Variants in RASGEF1C observed in about 807,000 individuals in gnomAD.
The protein encoded by RASGEF1C is RasGEF domain family member 1C, also known as ras-GEF domain-containing family member 1C.
In RASGEF1C, 27 loss-of-function variants were observed where a neutral mutation model predicts 58.1. The observed-to-expected ratio is 0.46, with a 90% CI of 0.34 to 0.64. The LOEUF (loss-of-function observed/expected upper bound fraction) is 0.64, where lower values mean the gene tolerates loss of function less well. Among genes scored for constraint, RASGEF1C ranks in the 30% least tolerant of loss-of-function variants. RASGEF1C has a pLI of 0.01. For missense variants in RASGEF1C, 502 were observed against 605.1 expected, an observed-to-expected ratio of 0.83 and a Z score of 1.79; for synonymous variants, 243 against 246.3, an observed-to-expected ratio of 0.99 and a Z score of 0.13.
chr5:180,128,969 G>A (rs1036494660), intron 4 of RASGEF1C, among the ~76,000 whole-genome samples: 1 of 152,248 alleles, frequency 6.6e-6, no homozygotes, highest in African/African-American at 2.4e-5. Context: ...AGGGAGAGAG[G>A]CGGGAGACAT....
Position 180,119,388 on chromosome 5 carries a change from A to C in RASGEF1C, c.865T>G (p.Cys289Gly). Residue 289 changes from cysteine to glycine, a missense_variant, in exon 8 of 14, where the codon TGC becomes GGC. By Grantham distance (159) the Cys-to-Gly change is radical. Transcript: ENST00000361132. ...GAGTTGAAGTTGCCGATGTTGAAGC[A>C]CTCGCGGGCCACGTCGATGAAGAAC... ...IEFFIDVARE[C>G]FNIGNFNSLM... 6.2e-7 allele frequency: 1 copy of C among 1,613,736 alleles called. No homozygotes were observed. Among genetic ancestry groups the C allele is most frequent in the Non-Finnish European group, 8.5e-7 (1 of 1,179,900 alleles).
chr5:180,208,669 G>C (rs1286455791), intron 1 of RASGEF1C, among the ~76,000 whole-genome samples: 1 of 152,142 alleles, frequency 6.6e-6, no homozygotes, highest in African/African-American at 2.4e-5. Flanking sequence ...TCATAGACGG[G>C]GAAACTGAGG....
At chr5:180,207,011 C>G (rs1032439156) in intron 1 of RASGEF1C, among the ~76,000 whole-genome samples, 1 of 152,122 alleles carries the variant, frequency 6.6e-6, no homozygotes, top group African/African-American at 2.4e-5. Context: ...ACCTTTAAAC[C>G]ATGTGTTTTA....
intron 10 of RASGEF1C, chr5:180,115,404 A>C (rs542819110): frequency 2.3e-4 from 83 of 354,276 alleles, no homozygotes; most frequent in African/African-American, 1.7e-3. Context: ...CACTGCCTGA[A>C]GGAAAAGAAA....
intron 1 of RASGEF1C, among the ~76,000 whole-genome samples, 183 bp downstream of exon 1, chr5:180,208,845 C>T (rs1488337771): frequency 6.6e-6 from 1 of 151,240 alleles, no homozygotes; most frequent in Non-Finnish European, 1.5e-5. Context: ...CCGCTACCCC[C>T]GCGCCTCCAG....
At chr5:180,190,358 C>CAT (rs1561756591) in intron 1 of RASGEF1C, among the ~76,000 whole-genome samples, 3 of 151,308 alleles carry the variant, frequency 2.0e-5, no homozygotes, top group Non-Finnish European at 2.9e-5. Flanking sequence ...GGCGTGGTGG[C>CAT]GGGCGCCTGT....
Position 180,208,079 on chromosome 5 carries a change from C to T in RASGEF1C, c.-7+949G>A, listed in dbSNP as rs550398197. 1.3e-4 allele frequency among the ~76,000 whole-genome samples: 20 copies of T among 152,288 alleles called. No individual in the cohort carries two copies. In the South Asian group the frequency reaches 3.3e-3, roughly 25 times the overall value. ...GCCAGTGAGTGGACAACCCTAGCCC[C>T]CCTCCACCGGTCGCCTGCACAGTGG... On this transcript the variant is annotated intron_variant, in intron 1 of 13. Coordinates refer to ENST00000361132, the MANE Select transcript of RASGEF1C (RefSeq NM_175062.4).
At chr5:180,133,133 C>T (rs1766398605) in intron 4 of RASGEF1C, among the ~76,000 whole-genome samples, 1 of 152,148 alleles carries the variant, frequency 6.6e-6, no homozygotes, top group Non-Finnish European at 1.5e-5. Flanking sequence ...GCTCTAACTA[C>T]TGCGTCCAAC....
At chr5:180,161,356 G>A (rs1766940647) in intron 1 of RASGEF1C, among the ~76,000 whole-genome samples, 1 of 152,270 alleles carries the variant, frequency 6.6e-6, no homozygotes, top group South Asian at 2.1e-4. Context: ...GACTGAGGTG[G>A]TTTCCTCCCT....
Position 180,173,873 on chromosome 5 carries a change from A to C in RASGEF1C, c.-7+35155T>G, listed in dbSNP as rs180720247. On this transcript the variant is annotated intron_variant, in intron 1 of 13. Coordinates refer to ENST00000361132, the MANE Select transcript of RASGEF1C (RefSeq NM_175062.4). ...GTTTGCAGTGAGCTGAGATTGTGCC[A>C]CTGCACTCCAGCCTGGGCAACAGAG... Among the ~76,000 whole-genome samples the C allele has an allele frequency of 3.1e-3, 470 of 150,390 alleles. 4 individuals are homozygous for C. The highest frequency in any genetic ancestry group is 0.01 in the African/African-American group (423 of 40,640).
intron 1 of RASGEF1C, among the ~76,000 whole-genome samples, chr5:180,192,806 GCA>G (rs1756189919): frequency 6.7e-6 from 1 of 150,294 alleles, no homozygotes; most frequent in Admixed American, 6.6e-5. Context: ...GTGCAGTGTC[GCA>G]ATCTCGGCTC....
At chr5:180,107,915 C>T (rs1041480735) in intron 12 of RASGEF1C, among the ~76,000 whole-genome samples, 5 of 152,222 alleles carry the variant, frequency 3.3e-5, no homozygotes, top group Non-Finnish European at 7.3e-5. Flanking sequence ...AGCCACTGCA[C>T]TTGGCTTCAA....
intron 1 of RASGEF1C, among the ~76,000 whole-genome samples, chr5:180,157,627 CA>C (rs71001077): frequency 0.12 from 15,658 of 131,284 alleles, 905 homozygotes; most frequent in African/African-American, 0.2. Flanking sequence ...AACTCCGTCT[CA>C]AAAAAAAAAA....
intron 1 of RASGEF1C, among the ~76,000 whole-genome samples, chr5:180,171,095 C>A (rs368939588): frequency 6.4e-4 from 97 of 152,298 alleles, no homozygotes; most frequent in African/African-American, 2.1e-3. Flanking sequence ...CAGGCACCCC[C>A]ATCCAGGCAT....
In RASGEF1C at chr5:180,175,749, C is replaced by T. The variant is rs139731307; in HGVS notation, c.-7+33279G>A. On this transcript the variant is annotated intron_variant, in intron 1 of 13. Transcript: ENST00000361132. ...GCGCGGTGGCTCACGCCTGTGATCCCAGCACTCTGGGAGGCTGAGGCAGCA... is the reference window on the plus strand; with the variant it reads ...GCGCGGTGGCTCACGCCTGTGATCCTAGCACTCTGGGAGGCTGAGGCAGCA... Among the ~76,000 whole-genome samples the T allele has an allele frequency of 2.6e-3, 389 of 152,344 alleles. 13 individuals are homozygous for T. The East Asian group carries it at 0.063, about 25-fold the overall frequency.
At chr5:180,178,905 G>T (rs1372989206) in intron 1 of RASGEF1C, among the ~76,000 whole-genome samples, 6 of 151,752 alleles carry the variant, frequency 4.0e-5, no homozygotes, top group Non-Finnish European at 7.4e-5. Flanking sequence ...GAATGTTCTT[G>T]GGGGGGGAGG....
intron 1 of RASGEF1C, among the ~76,000 whole-genome samples, chr5:180,175,738 G>A (rs971703189): frequency 2.0e-5 from 3 of 152,228 alleles, no homozygotes; most frequent in Non-Finnish European, 2.9e-5. Context: ...GGTGGCTCAC[G>A]CCTGTGATCC....
At chr5:180,191,098 T>A (rs1414984795) in intron 1 of RASGEF1C, among the ~76,000 whole-genome samples, 1 of 152,222 alleles carries the variant, frequency 6.6e-6, no homozygotes, top group Non-Finnish European at 1.5e-5. Flanking sequence ...GAGATACTCC[T>A]GTATGCCTGT....
rs943293915 is a variant in RASGEF1C, at chr5:180,191,854, G to T, written c.-7+17174C>A. On this transcript the variant is annotated intron_variant, in intron 1 of 13. Transcript: ENST00000361132. ...CATGCTTGTTGGACCTCTGCTCAGG[G>T]GCTCACAGGCTGAGATCACGGTGTT... Among the ~76,000 whole-genome samples, 14 of 152,180 alleles carry T rather than the reference G, an allele frequency of 9.2e-5. 1 individual carries two copies. In the South Asian group the frequency reaches 1.4e-3, roughly 16 times the overall value.
Sources: gnomAD v4.1 joint callset for allele counts (sites outside exome capture counted in the v4.1 genomes callset) on GRCh38, gnomAD v4.1.1 for gene constraint, MANE v1.5 for transcripts, NCBI Gene and HGNC (gene_info 2026-07-23, HGNC 2026-07-21) for gene names.